Variants in RBFOX1 observed in about 807,000 individuals in gnomAD.
The protein encoded by RBFOX1 is RNA binding fox-1 homolog 1, also known as RNA binding protein fox-1 homolog 1.
In RBFOX1, 8 loss-of-function variants were observed where a neutral mutation model predicts 57.7. The observed-to-expected ratio is 0.14, with a 90% confidence interval of 0.08 to 0.25. RBFOX1 has a LOEUF of 0.25. Among genes scored for constraint, RBFOX1 ranks in the 10% least tolerant of loss-of-function variants. RBFOX1 has a pLI of 1.00. For missense variants in RBFOX1, 611 were observed against 548.5 expected, an observed-to-expected ratio of 1.11 and a Z score of -1.14; for synonymous variants, 326 against 222.4, an observed-to-expected ratio of 1.47 and a Z score of -4.15.
In RBFOX1 at chr16:5,765,813, A is replaced by G. The variant is rs561008054; in HGVS notation, c.319-101490A>G. Among the ~76,000 whole-genome samples the G allele has an allele frequency of 2.0e-5, 3 of 152,318 alleles. No individual in the cohort carries two copies. In the South Asian group the frequency reaches 6.2e-4, roughly 32 times the overall value. On this transcript the variant is annotated intron_variant, in intron 3 of 19. Coordinates refer to the RBFOX1 transcript ENST00000641259. Reference sequence around the variant, plus strand: ...CTGCAAGTACAGGATGCTCATCCCTAGAGTTCCAGACACTAATGGCAAGAA... The same window carrying G: ...CTGCAAGTACAGGATGCTCATCCCTGGAGTTCCAGACACTAATGGCAAGAA...
chr16:6,730,855 A>G (rs1056297291), intron 3 of RBFOX1, among the ~76,000 whole-genome samples: 2 of 152,192 alleles, frequency 1.3e-5, no homozygotes, highest in African/African-American at 4.8e-5. Flanking sequence ...TGTACTAAAG[A>G]TTCCCAGACC....
chr16:7,018,020 A>G (rs542522735), intron 3 of RBFOX1, among the ~76,000 whole-genome samples: 1 of 152,250 alleles, frequency 6.6e-6, no homozygotes, highest in South Asian at 2.1e-4. Flanking sequence ...AATATCATTT[A>G]GGAGGTTGTC....
intron 3 of RBFOX1, among the ~76,000 whole-genome samples, chr16:6,821,295 C>G (rs576206696): frequency 2.0e-4 from 31 of 152,192 alleles, no homozygotes; most frequent in Non-Finnish European, 3.5e-4. Flanking sequence ...GTGCTTTCCT[C>G]TCTTCCCTAT....
chr16:6,735,168 TCAACAACAACAA>T (rs1160248832), intron 3 of RBFOX1, among the ~76,000 whole-genome samples: 1 of 137,118 alleles, frequency 7.3e-6, no homozygotes, highest in African/African-American at 3.1e-5. Context: ...AACAACAACA[TCAACAACAACAA>T]CATCAACAAC....
chr16:7,176,357 T>C lies in RBFOX1; in HGVS notation c.27+124259T>C, dbSNP rs550843302. On this transcript the variant is annotated intron_variant, in intron 4 of 15. Transcript: ENST00000550418. ...TTTACATCTTTGGCACTGGGAAGAA[T>C]GCCTGGCATATAGAGTGTACTTTGT... Among the ~76,000 whole-genome samples the C allele has an allele frequency of 2.6e-5, 4 of 152,174 alleles. No homozygotes were observed. The South Asian group carries it at 6.2e-4, about 24-fold the overall frequency.
intron 1 of RBFOX1, among the ~76,000 whole-genome samples, chr16:5,368,055 C>A (rs74003894): frequency 4.6e-5 from 7 of 152,094 alleles, no homozygotes; most frequent in African/African-American, 1.7e-4. Flanking sequence ...TTGGAGAGAC[C>A]CACATGAGCT....
rs912513807 is a variant in RBFOX1, at chr16:6,853,309, A to G, written c.-16+198659A>G. On this transcript the variant is annotated intron_variant, in intron 3 of 15. Coordinates refer to ENST00000550418, the MANE Select transcript of RBFOX1 (RefSeq NM_018723.4). ...TATTCTTGTTTTTGATATTGTTTCT[A>G]TGAGGATGGTGGTGGTAGTGGTGGT... Among the ~76,000 whole-genome samples the G allele has an allele frequency of 1.1e-4, 17 of 152,234 alleles. 2 individuals are homozygous for G. The South Asian group carries it at 1.7e-3, about 15-fold the overall frequency.
intron 2 of RBFOX1, among the ~76,000 whole-genome samples, chr16:5,590,071 ACACAC>A (rs755626695): frequency 4.1e-5 from 4 of 97,636 alleles, no homozygotes; most frequent in African/African-American, 1.5e-4. Flanking sequence ...ACACACACAC[ACACAC>A]AAAAAGGGCA....
At chr16:5,735,007 A>C (rs1191006303) in intron 3 of RBFOX1, among the ~76,000 whole-genome samples, 1 of 152,040 alleles carries the variant, frequency 6.6e-6, no homozygotes, top group Non-Finnish European at 1.5e-5. Flanking sequence ...AAAGAAGACA[A>C]CTCCAAGGAA....
At chr16:5,474,707 C>G (rs182301680) in intron 2 of RBFOX1, among the ~76,000 whole-genome samples, 2 of 151,616 alleles carry the variant, frequency 1.3e-5, no homozygotes, top group Admixed American at 1.3e-4. Flanking sequence ...CTCTGTATGA[C>G]AAACCTTATT....
At chr16:5,445,893 C>T (rs2068225873) in intron 1 of RBFOX1, among the ~76,000 whole-genome samples, 1 of 152,170 alleles carries the variant, frequency 6.6e-6, no homozygotes, top group Admixed American at 6.5e-5. Context: ...AGTTCTTTTT[C>T]TTTCTTATTT....
chr16:6,548,974 C>T (rs2096933063), intron 2 of RBFOX1, among the ~76,000 whole-genome samples: 3 of 150,496 alleles, frequency 2.0e-5, no homozygotes, highest in African/African-American at 7.4e-5. Context: ...ACTCAAGTGG[C>T]TGAGGCAGGA....
chr16:6,257,178 T>C (rs1036544829), intron 1 of RBFOX1, among the ~76,000 whole-genome samples: 3 of 152,188 alleles, frequency 2.0e-5, no homozygotes, highest in Non-Finnish European at 4.4e-5. Flanking sequence ...GGTAAACATG[T>C]GCCACAGTGG....
At chr16:5,304,910 A>C (rs1596465299) in intron 1 of RBFOX1, among the ~76,000 whole-genome samples, 1 of 152,214 alleles carries the variant, frequency 6.6e-6, no homozygotes, top group African/African-American at 2.4e-5. Flanking sequence ...GAACCTCTTC[A>C]TGACATTACT....
intron 4 of RBFOX1, among the ~76,000 whole-genome samples, chr16:5,997,685 TG>T (rs895241867): frequency 2.6e-5 from 4 of 152,194 alleles, no homozygotes; most frequent in Admixed American, 2.0e-4. Flanking sequence ...GGAAGAGGAA[TG>T]GTTTTCACAT....
intron 3 of RBFOX1, among the ~76,000 whole-genome samples, chr16:6,768,012 C>G (rs1414420879): frequency 6.7e-6 from 1 of 149,566 alleles, no homozygotes; most frequent in Non-Finnish European, 1.5e-5. Flanking sequence ...CTGGACAAAA[C>G]TGGGAGTACA....
chr16:5,802,522 C>G (rs2055092957), intron 3 of RBFOX1, among the ~76,000 whole-genome samples: 1 of 152,158 alleles, frequency 6.6e-6, no homozygotes, highest in Non-Finnish European at 1.5e-5. Flanking sequence ...ATCACAGACT[C>G]TCAGAGGGAA....
At chr16:7,368,748 C>G (rs985767476) in intron 4 of RBFOX1, among the ~76,000 whole-genome samples, 9 of 149,938 alleles carry the variant, frequency 6.0e-5, no homozygotes, top group Non-Finnish European at 8.9e-5. Context: ...CCCCTGCACT[C>G]CAGCCTGGGT....
chr16:5,618,122 C>T (rs761706093), intron 3 of RBFOX1, among the ~76,000 whole-genome samples: 1 of 152,164 alleles, frequency 6.6e-6, no homozygotes, highest in Non-Finnish European at 1.5e-5. Context: ...GTATTTTTAT[C>T]TCCTGGAAGT....
Sources: allele counts gnomAD v4.1 joint callset (sites outside exome capture counted in the v4.1 genomes callset), GRCh38; gene constraint gnomAD v4.1.1; transcripts MANE v1.5; gene names NCBI Gene and HGNC (gene_info 2026-07-23, HGNC 2026-07-21).